Variants in RPL35A observed in about 807,000 individuals in gnomAD.
The protein encoded by RPL35A is large ribosomal subunit protein eL33.
Under a neutral mutation model 16.7 loss-of-function variants are expected in RPL35A, and 1 was observed. That is an observed-to-expected ratio of 0.06 (90% CI 0.02 to 0.28). The LOEUF is 0.28. RPL35A is among the 10% of genes least tolerant of loss of function. The probability of loss-of-function intolerance (pLI) is 1.00; values close to 1 mark genes in which losing one functional copy is unlikely to be tolerated. For missense variants in RPL35A, 91 were observed against 138.7 expected, an observed-to-expected ratio of 0.66 and a Z score of 1.73; for synonymous variants, 58 against 47.0, an observed-to-expected ratio of 1.23 and a Z score of -0.96.
At chr3:197,951,487 G>T (rs1219004313) in intron 3 of RPL35A, 176 bp downstream of exon 3, 5 of 666,626 alleles carry the variant, frequency 7.5e-6, no homozygotes, top group Middle Eastern at 5.6e-4. Flanking sequence ...CGAGTAGCTG[G>T]GATTACAGGC....
chr3:197,954,024 C>T lies in RPL35A; in HGVS notation c.186C>T (p.Gly62=). The T allele has an allele frequency of 6.2e-7, 1 of 1,613,302 alleles. No homozygotes were observed. Among genetic ancestry groups the T allele is most frequent in the Non-Finnish European group, 8.5e-7 (1 of 1,179,974 alleles). Residue 62 remains glycine (G), a synonymous_variant, in exon 4 of 5, where the codon GGC becomes GGT. Coordinates refer to ENST00000647248, the MANE Select transcript of RPL35A (RefSeq NM_000996.4). ...TCAGCAACACAGTCACTCCTGGCGG[C>T]AAACCAAACAAAACCAGAGTCATCT... is the stretch of plus-strand genomic sequence containing the variant. ...KAKNNTVTPG[G]KPNKTRVIWG... is the part of the protein sequence containing the mutation.
intron 3 of RPL35A, 165 bp downstream of exon 3, chr3:197,951,476 C>T (rs1162734896): frequency 2.8e-5 from 20 of 721,612 alleles, no homozygotes; most frequent in Non-Finnish European, 4.2e-5. Flanking sequence ...TCTCAGCCTC[C>T]CGAGTAGCTG....
rs374680481 is a variant in RPL35A, at chr3:197,953,591, T to TC, written c.165-408dup. ...CATCCCGTGATCACTTCATGGCATT[T>TC]CCCCTCCCTTTCCAGTCTTTGTTCC... is the stretch of plus-strand genomic sequence containing the variant. On this transcript the variant is annotated intron_variant, in intron 3 of 4. Transcript: ENST00000647248. 1,090 of 458,224 alleles carry TC rather than the reference T, an allele frequency of 2.4e-3. 17 individuals are homozygous for TC. Among genetic ancestry groups the TC allele is most frequent in the African/African-American group, 0.02 (1,008 of 50,278 alleles). 28.4% of individuals were successfully genotyped at this position (458,224 alleles called of 1,614,324 possible).
intron 4 of RPL35A, 50 bp downstream of exon 4, chr3:197,954,197 C>T (rs1476916170): frequency 6.2e-7 from 1 of 1,601,658 alleles, no homozygotes; most frequent in Non-Finnish European, 8.5e-7. Flanking sequence ...AGACTAGGTT[C>T]AAGGTGTTGT....
At chr3:197,951,985 C>A (rs894453861) in intron 3 of RPL35A, among the ~76,000 whole-genome samples, 1 of 152,096 alleles carries the variant, frequency 6.6e-6, no homozygotes, top group Non-Finnish European at 1.5e-5. Flanking sequence ...GACGTTACTT[C>A]TGAGGGTGGT....
At chr3:197,953,384 A>G in intron 3 of RPL35A, 1 of 455,210 alleles carries the variant, frequency 2.2e-6, no homozygotes, top group Non-Finnish European at 4.4e-6. Context: ...CTTTAAAGGA[A>G]ATATATATAA....
chr3:197,950,259 T>A, intron 1 of RPL35A, 38 bp downstream of exon 1: 2 of 1,230,364 alleles, frequency 1.6e-6, no homozygotes, highest in South Asian at 8.5e-5. Flanking sequence ...TGGGGGCAAA[T>A]AACCGGAGTA....
rs1684555211 is a variant in RPL35A at position 197,950,422 on chromosome 3, G to A, written c.-33+201G>A. ...CTGACACCCGGAGAACGGCTGCCCG[G>A]GTTATCCCAGTTAAATTCCTGGGCC... is the stretch of plus-strand genomic sequence containing the variant. On this transcript the variant is annotated intron_variant, in intron 1 of 4. Transcript: ENST00000647248. 7 of 889,374 alleles carry A rather than the reference G, an allele frequency of 7.9e-6. No individual in the cohort carries two copies. The South Asian group carries it at 3.7e-4, about 47-fold the overall frequency. The allele number at this position is 889,374 out of a possible 1,614,324, so 55.1% of individuals were successfully genotyped here.
intron 1 of RPL35A, 99 bp from the exon 2 acceptor site, chr3:197,950,837 C>A: frequency 1.9e-6 from 2 of 1,051,182 alleles, no homozygotes; most frequent in Non-Finnish European, 1.4e-6. Context: ...CATGAAACTC[C>A]CATCCAAAAG....
In RPL35A at chr3:197,955,875, G is replaced by C. The variant is rs1720488676; in HGVS notation, c.*102G>C. 8.9e-6 allele frequency: 9 copies of C among 1,009,930 alleles called. No homozygotes were observed. The highest frequency in any genetic ancestry group is 1.4e-5 in the Non-Finnish European group (9 of 639,482). The allele number at this position is 1,009,930 out of a possible 1,614,324, so 62.6% of individuals were successfully genotyped here. A position where few individuals can be genotyped will look rare whatever the true frequency, so the allele number is the denominator to read the frequency against. On this transcript the variant is annotated 3_prime_UTR_variant, in exon 5 of 5. Coordinates refer to ENST00000647248, the MANE Select transcript of RPL35A (RefSeq NM_000996.4). ...AATTGATTTGCTACATGCTTAAAAT[G>C]ATAGAGGTTGCTCAGCATTTTTGGA... is the stretch of plus-strand genomic sequence containing the variant.
intron 1 of RPL35A, 186 bp downstream of exon 1, chr3:197,950,407 G>A: frequency 2.0e-6 from 2 of 1,024,076 alleles, no homozygotes; most frequent in Non-Finnish European, 2.5e-6. Flanking sequence ...CTGACACCCG[G>A]AGAACGGCTG....
At chr3:197,952,043 T>C (rs1370134348) in intron 3 of RPL35A, among the ~76,000 whole-genome samples, 1 of 152,182 alleles carries the variant, frequency 6.6e-6, no homozygotes, top group Non-Finnish European at 1.5e-5. Flanking sequence ...AGGAGGTAAT[T>C]CCTTATATTG....
intron 1 of RPL35A, 40 bp from the exon 2 acceptor site, chr3:197,950,896 T>C (rs369520878): frequency 3.1e-6 from 5 of 1,606,610 alleles, no homozygotes; most frequent in Admixed American, 1.7e-5. Context: ...GGGAAACTTG[T>C]GTGGCTTGGT....
intron 3 of RPL35A, chr3:197,953,504 G>C (rs1219096123): frequency 4.4e-6 from 2 of 456,420 alleles, no homozygotes; most frequent in Non-Finnish European, 8.8e-6. Flanking sequence ...TTAACCCCTT[G>C]GTGTCTTCAG....
Position 197,954,069 on chromosome 3 carries a change from C to G in RPL35A, c.231C>G (p.Ala77=), listed in dbSNP as rs1282644947. ...TRVIWGKVTR[A]HGNSGMVRAK... is the part of the protein sequence containing the mutation. ...TCATCTGGGGAAAAGTAACTCGGGC[C>G]CATGGAAACAGTGGCATGGTTCGTG... The change falls in exon 4 of 5, where the codon GCC becomes GCG. Residue 77 remains alanine, a synonymous_variant. Transcript: ENST00000647248. 1 of 1,614,090 alleles carries G rather than the reference C, an allele frequency of 6.2e-7. No homozygotes were observed. Among genetic ancestry groups the G allele is most frequent in the Admixed American group, 1.7e-5 (1 of 60,008 alleles).
rs1560119856 is a variant in RPL35A, at chr3:197,950,984, C to G, written c.11+6C>G. On this transcript the variant is annotated splice_donor_region_variant and intron_variant, in intron 2 of 4. Coordinates refer to ENST00000647248, the MANE Select transcript of RPL35A (RefSeq NM_000996.4). ...AAAGGAACTATGTCTGGAAGGTACGCGTTTTAAATATAGTTCTTTATTTTT... is the reference window on the plus strand; with the variant it reads ...AAAGGAACTATGTCTGGAAGGTACGGGTTTTAAATATAGTTCTTTATTTTT... 2 of 1,613,300 alleles carry G rather than the reference C, an allele frequency of 1.2e-6. No homozygotes were observed. Among genetic ancestry groups the G allele is most frequent in the Admixed American group, 1.7e-5 (1 of 60,006 alleles).
chr3:197,953,705 T>C (rs1431353650), intron 3 of RPL35A: 1 of 460,942 alleles, frequency 2.2e-6, no homozygotes, highest in Non-Finnish European at 4.0e-6. Flanking sequence ...ACACTTGTCC[T>C]TTTTTGCTAT....
chr3:197,953,964 A>G, intron 3 of RPL35A, 39 bp from the exon 4 acceptor site: 2 of 1,610,180 alleles, frequency 1.2e-6, no homozygotes, highest in Non-Finnish European at 1.7e-6. Flanking sequence ...ATCCAACTAT[A>G]TCAGCTTGTA....
intron 3 of RPL35A, chr3:197,953,654 A>G (rs2109812772): frequency 2.3e-6 from 1 of 436,554 alleles, no homozygotes; most frequent in East Asian, 6.6e-5. Context: ...GCTATTTAAA[A>G]TGGCAGGTAA....
Sources: allele counts gnomAD v4.1 joint callset (sites outside exome capture counted in the v4.1 genomes callset), GRCh38; gene constraint gnomAD v4.1.1; transcripts MANE v1.5; gene names NCBI Gene and HGNC (gene_info 2026-07-23, HGNC 2026-07-21).